NRXN1: variants seen among roughly 807,000 people sequenced by gnomAD.
The protein encoded by NRXN1 is neurexin-1.
In NRXN1, 39 loss-of-function variants were observed where a neutral mutation model predicts 150.9. The ratio of observed to expected loss-of-function variants is 0.26; its 90% CI spans 0.20 to 0.34. NRXN1 has a LOEUF of 0.34. Among genes scored for constraint, NRXN1 ranks in the 10% least tolerant of loss-of-function variants. The probability of loss-of-function intolerance (pLI) is 1.00; values close to 1 mark genes in which losing one functional copy is unlikely to be tolerated. For missense variants in NRXN1, 1,815 were observed against 1,949.9 expected, an observed-to-expected ratio of 0.93 and a Z score of 1.30; for synonymous variants, 924 against 757.0, an observed-to-expected ratio of 1.22 and a Z score of -3.62.
At chr2:50,265,530 C>A (rs1474136581) in intron 17 of NRXN1, among the ~76,000 whole-genome samples, 1 of 152,146 alleles carries the variant, frequency 6.6e-6, no homozygotes, top group Non-Finnish European at 1.5e-5. Context: ...TACTGTATTA[C>A]CACATGAGTT....
intron 21 of NRXN1, among the ~76,000 whole-genome samples, chr2:50,006,283 C>T (rs929259013): frequency 2.6e-5 from 4 of 152,232 alleles, no homozygotes; most frequent in Middle Eastern, 3.4e-3. Context: ...CACTTGCTTC[C>T]TTAGCTATTG....
chr2:50,475,256 A>G (rs942789993), intron 15 of NRXN1, among the ~76,000 whole-genome samples: 5 of 152,160 alleles, frequency 3.3e-5, no homozygotes, highest in Admixed American at 6.5e-5. Flanking sequence ...TTATTAATCA[A>G]TCTTCCTCTG....
At chr2:50,453,356 C>T (rs1040181341) in intron 17 of NRXN1, among the ~76,000 whole-genome samples, 5 of 152,116 alleles carry the variant, frequency 3.3e-5, no homozygotes, top group African/African-American at 1.2e-4. Context: ...ATCCAGGTAC[C>T]ACCGTTTGGG....
intron 2 of NRXN1, among the ~76,000 whole-genome samples, chr2:51,002,236 A>C (rs1265148682): frequency 6.6e-6 from 1 of 151,930 alleles, no homozygotes; most frequent in Non-Finnish European, 1.5e-5. Flanking sequence ...TGAACCCAGA[A>C]TGGGTGAGGG....
intron 17 of NRXN1, among the ~76,000 whole-genome samples, chr2:50,463,293 T>C (rs535923721): frequency 2.5e-4 from 38 of 152,048 alleles, no homozygotes; most frequent in African/African-American, 7.5e-4. Flanking sequence ...ATTGCTACTA[T>C]ATCTTCTACC....
intron 21 of NRXN1, among the ~76,000 whole-genome samples, chr2:50,018,193 C>A (rs746219007): frequency 1.3e-5 from 2 of 152,130 alleles, no homozygotes; most frequent in Non-Finnish European, 2.9e-5. Context: ...ATACAAGTCA[C>A]AATGCTATTC....
chr2:50,492,573 A>C (rs557750514), intron 15 of NRXN1, among the ~76,000 whole-genome samples: 1 of 152,256 alleles, frequency 6.6e-6, no homozygotes, highest in South Asian at 2.1e-4. Context: ...CTGAAAACAA[A>C]AGAAATTCTA....
chr2:50,488,334 C>A (rs1205987428), intron 15 of NRXN1, among the ~76,000 whole-genome samples: 1 of 152,174 alleles, frequency 6.6e-6, no homozygotes, highest in African/African-American at 2.4e-5. Flanking sequence ...GAATTTGGCA[C>A]TAGAACTGCT....
chr2:50,715,099 T>A (rs1233767542), intron 5 of NRXN1, among the ~76,000 whole-genome samples: 1 of 152,008 alleles, frequency 6.6e-6, no homozygotes, highest in African/African-American at 2.4e-5. Context: ...AATGCAAAAA[T>A]TTATATTAAC....
intron 5 of NRXN1, among the ~76,000 whole-genome samples, chr2:50,785,955 A>G (rs1574470056): frequency 6.6e-6 from 1 of 151,976 alleles, no homozygotes; most frequent in Non-Finnish European, 1.5e-5. Flanking sequence ...TTGCTTGCCA[A>G]TGTGGTATAA....
chr2:50,024,667 T>G (rs1270621394), intron 21 of NRXN1, among the ~76,000 whole-genome samples: 1 of 151,684 alleles, frequency 6.6e-6, no homozygotes, highest in Admixed American at 6.6e-5. Flanking sequence ...CAGGCTGGAG[T>G]GCAATGGTCC....
intron 17 of NRXN1, among the ~76,000 whole-genome samples, chr2:50,438,969 C>A (rs766905719): frequency 6.6e-6 from 1 of 152,120 alleles, no homozygotes; most frequent in African/African-American, 2.4e-5. Flanking sequence ...TGGAAAGTTG[C>A]CACAGCTACT....
intron 17 of NRXN1, among the ~76,000 whole-genome samples, chr2:50,424,322 G>C (rs1333068333): frequency 7.9e-6 from 1 of 127,042 alleles, no homozygotes. Context: ...GGAGGAGGAG[G>C]AGGAGGAGGG....
At chr2:49,983,026 T>C (rs1680239434) in intron 21 of NRXN1, among the ~76,000 whole-genome samples, 1 of 152,194 alleles carries the variant, frequency 6.6e-6, no homozygotes. Context: ...ATAAAAAATC[T>C]TGGTAAACTC....
At chr2:50,431,924 C>T (rs940338488) in intron 17 of NRXN1, among the ~76,000 whole-genome samples, 2 of 152,104 alleles carry the variant, frequency 1.3e-5, no homozygotes, top group African/African-American at 4.8e-5. Context: ...ATTGTTGAAT[C>T]CTATAAGAAG....
intron 2 of NRXN1, among the ~76,000 whole-genome samples, chr2:51,014,253 G>A (rs189294083): frequency 5.9e-5 from 9 of 152,110 alleles, no homozygotes; most frequent in East Asian, 1.9e-4. Flanking sequence ...TAAACAGAGC[G>A]GGGGCTATTA....
intron 17 of NRXN1, among the ~76,000 whole-genome samples, chr2:50,260,862 A>T (rs1426955790): frequency 6.6e-6 from 1 of 151,698 alleles, no homozygotes; most frequent in Non-Finnish European, 1.5e-5. Context: ...TCCTCAGGAG[A>T]TCAGTCTCTT....
intron 18 of NRXN1, among the ~76,000 whole-genome samples, chr2:50,224,979 T>C (rs140694824): frequency 1.8e-3 from 269 of 152,068 alleles, no homozygotes; most frequent in African/African-American, 6.2e-3. Flanking sequence ...GTGTGTAGTA[T>C]TTGAATCTGA....
intron 5 of NRXN1, among the ~76,000 whole-genome samples, chr2:50,730,931 C>A (rs1698025720): frequency 6.6e-6 from 1 of 152,238 alleles, no homozygotes; most frequent in Admixed American, 6.5e-5. Context: ...CCTCCGCCTC[C>A]CAAAGTGCTG....
Sources: allele counts gnomAD v4.1 joint callset (sites outside exome capture counted in the v4.1 genomes callset), GRCh38; gene constraint gnomAD v4.1.1; transcripts MANE v1.5; gene names NCBI Gene and HGNC (gene_info 2026-07-23, HGNC 2026-07-21).